Variants in RASGRF1 observed in about 807,000 individuals in gnomAD.
RASGRF1 encodes Ras protein specific guanine nucleotide releasing factor 1.
In RASGRF1, 40 loss-of-function variants were observed where a neutral mutation model predicts 138.7. The ratio of observed to expected loss-of-function variants is 0.29; its 90% CI spans 0.22 to 0.38. The LOEUF is 0.38. Ranked by LOEUF, RASGRF1 falls within the 10% of genes least tolerant of loss-of-function variation. The pLI is 1.00. For missense variants in RASGRF1, 1,108 were observed against 1,650.4 expected (o/e 0.67, Z 5.69); for synonymous variants, 614 against 663.2 (o/e 0.93, Z 1.14).
At chr15:79,090,119 G>T in intron 1 of RASGRF1, 104 bp downstream of exon 1, 1 of 1,398,182 alleles carries the variant, frequency 7.2e-7, no homozygotes, top group African/African-American at 1.4e-5. Flanking sequence ...AGGGCGCCAA[G>T]AGTAGAGGGG....
intron 20 of RASGRF1, 132 bp from the exon 21 acceptor site, chr15:78,991,926 C>T (rs952562495): frequency 2.1e-5 from 14 of 662,096 alleles, no homozygotes; most frequent in East Asian, 1.1e-4. Flanking sequence ...GACGCTGCCT[C>T]GAATCTGATG....
chr15:78,998,323 A>C (rs1595884415), intron 18 of RASGRF1, 115 bp from the exon 19 acceptor site: 1 of 858,240 alleles, frequency 1.2e-6, no homozygotes, highest in Non-Finnish European at 1.9e-6. Flanking sequence ...GGGCAGGCTG[A>C]CCTGCCTCAT....
At chr15:79,075,836 TGTC>T (rs2057825746) in intron 1 of RASGRF1, among the ~76,000 whole-genome samples, 1 of 152,204 alleles carries the variant, frequency 6.6e-6, no homozygotes, top group African/African-American at 2.4e-5. Flanking sequence ...TGGGCAGCCT[TGTC>T]ATCTCTCTGA....
Position 79,073,198 on chromosome 15 carries a change from C to T in RASGRF1, c.277-8672G>A, listed in dbSNP as rs2057785246. 6.6e-6 allele frequency among the ~76,000 whole-genome samples: 1 copy of T among 151,936 alleles called. No individual in the cohort carries two copies. The highest frequency in any genetic ancestry group is 1.5e-5 in the Non-Finnish European group (1 of 68,006). ...GTTTCAATAACAAATCTTCACAGGC[C>T]TACTAGAGTTGCTGGAATAGATCTA... On this transcript the variant is annotated intron_variant, in intron 1 of 26. Coordinates refer to ENST00000558480, the MANE Select transcript of RASGRF1 (RefSeq NM_001145648.3). The surrounding 1 kb of genome is among the most constrained non-coding windows in gnomAD (Gnocchi z 4.2).
intron 13 of RASGRF1, among the ~76,000 whole-genome samples, chr15:79,008,569 G>C (rs977463947): frequency 3.9e-5 from 6 of 152,166 alleles, no homozygotes; most frequent in African/African-American, 1.4e-4. Flanking sequence ...AGGATTTCCT[G>C]GACATGAAAA....
chr15:79,067,098 G>A (rs1240335868), intron 1 of RASGRF1, among the ~76,000 whole-genome samples: 1 of 152,216 alleles, frequency 6.6e-6, no homozygotes, highest in African/African-American at 2.4e-5. Context: ...TAGACCCTGA[G>A]TGACTGACAG....
Position 78,961,944 on chromosome 15 carries a change from C to A in RASGRF1, c.*200G>T, listed in dbSNP as rs1235838018. ...TAAAAGAAACAGGCACTGCAGGAGACGAGGGGAGGGATGGGTGGGCGAAGT... is the reference window on the plus strand; with the variant it reads ...TAAAAGAAACAGGCACTGCAGGAGAAGAGGGGAGGGATGGGTGGGCGAAGT... On this transcript the variant is annotated 3_prime_UTR_variant, in exon 27 of 27. Coordinates refer to ENST00000558480, the MANE Select transcript of RASGRF1 (RefSeq NM_001145648.3). 1.9e-6 allele frequency: 1 copy of A among 522,692 alleles called. No individual in the cohort carries two copies. The highest frequency in any genetic ancestry group is 3.4e-6 in the Non-Finnish European group (1 of 297,394). 32.4% of individuals were successfully genotyped at this position (522,692 alleles called of 1,614,324 possible).
intron 5 of RASGRF1, among the ~76,000 whole-genome samples, chr15:79,042,528 G>A (rs1567565940): frequency 6.6e-6 from 1 of 152,242 alleles, no homozygotes; most frequent in Non-Finnish European, 1.5e-5. Context: ...GACCTGTGCT[G>A]TAATGACCCA....
rs745949757 is a variant in RASGRF1 at position 79,058,417 on chromosome 15, C to G, written c.448G>C (p.Val150Leu). The change falls in exon 3 of 27, where the codon GTG becomes CTG. Residue 150 changes from valine (V) to leucine (L), a missense_variant. Val to Leu is a conservative substitution (Grantham distance 32). Transcript: ENST00000558480. ...MQKYLHLLQI[V>L]ETEKTVAKQL... The stretch of plus-strand genomic sequence containing the variant: ...TTGGCCACGGTCTTCTCTGTCTCCA[C>G]GATCTGCAGCAGGTGCAGGTATTTC... The G allele has an allele frequency of 2.5e-6, 4 of 1,614,094 alleles. No homozygotes were observed. The Admixed American group carries it at 5.0e-5, about 20-fold the overall frequency.
intron 26 of RASGRF1, among the ~76,000 whole-genome samples, chr15:78,962,443 A>G (rs1376122604): frequency 1.3e-5 from 2 of 152,196 alleles, no homozygotes. Flanking sequence ...ATTATTTAAT[A>G]TTGTCATAAT....
chr15:79,052,530 G>A (rs989681400), intron 3 of RASGRF1, among the ~76,000 whole-genome samples: 1 of 152,142 alleles, frequency 6.6e-6, no homozygotes, highest in Non-Finnish European at 1.5e-5. Flanking sequence ...ACCATGCCAA[G>A]TGCCCCTTCC....
chr15:79,068,515 A>C (rs1353813165), intron 1 of RASGRF1, among the ~76,000 whole-genome samples: 2 of 148,800 alleles, frequency 1.3e-5, no homozygotes, highest in Non-Finnish European at 3.0e-5. Flanking sequence ...GTATATTTAT[A>C]TGTATAAGTA....
intron 1 of RASGRF1, among the ~76,000 whole-genome samples, chr15:79,071,416 G>C (rs563355036): frequency 2.7e-5 from 4 of 149,346 alleles, no homozygotes; most frequent in Non-Finnish European, 5.9e-5. Flanking sequence ...CTGGAGTACA[G>C]TGGCACAGTC....
At chr15:79,037,365 G>T (rs1023153476) in intron 5 of RASGRF1, among the ~76,000 whole-genome samples, 1 of 152,058 alleles carries the variant, frequency 6.6e-6, no homozygotes, top group East Asian at 1.9e-4. Flanking sequence ...TCTCACAGAC[G>T]GATGGTGGGG....
intron 26 of RASGRF1, among the ~76,000 whole-genome samples, chr15:78,968,250 A>ATGTGTGTGTGTGTGTGTGTGTG (rs10529968): frequency 0.011 from 1,448 of 134,236 alleles, 24 homozygotes; most frequent in Admixed American, 0.031. Context: ...CATGACACTG[A>ATGTGTGTGTGTGTGTGTGTGTG]TGTGTGTGTG....
At chr15:79,053,597 A>G (rs2057462525) in intron 3 of RASGRF1, among the ~76,000 whole-genome samples, 1 of 152,242 alleles carries the variant, frequency 6.6e-6, no homozygotes, top group Non-Finnish European at 1.5e-5. Context: ...ATGAAAGAGA[A>G]GTCCTGATAG....
intron 14 of RASGRF1, chr15:79,005,260 A>G: frequency 1.0e-6 from 1 of 985,778 alleles, no homozygotes; most frequent in Non-Finnish European, 1.2e-6. Flanking sequence ...TTGCTCTGGC[A>G]GCAGAGGTGT....
Position 79,062,808 on chromosome 15 carries a change from G to T in RASGRF1, c.383+1612C>A, listed in dbSNP as rs1040637912. 1.2e-4 allele frequency among the ~76,000 whole-genome samples: 19 copies of T among 152,056 alleles called. No individual in the cohort carries two copies. In the South Asian group the frequency reaches 2.7e-3, roughly 22 times the overall value. ...ATTTGCCCACTTTGGCCTCCTAAAG[G>T]GTTGGGATTACAGGCGTGAACCACT... is the stretch of plus-strand genomic sequence containing the variant. On this transcript the variant is annotated intron_variant, in intron 2 of 26. Coordinates refer to ENST00000558480, the MANE Select transcript of RASGRF1 (RefSeq NM_001145648.3).
chr15:79,024,920 A>G (rs748824477), intron 10 of RASGRF1, among the ~76,000 whole-genome samples: 2 of 152,036 alleles, frequency 1.3e-5, no homozygotes, highest in African/African-American at 2.4e-5. Context: ...ACGCATATAC[A>G]CATACACACA....
Sources: gnomAD v4.1 joint callset for allele counts (sites outside exome capture counted in the v4.1 genomes callset) on GRCh38, gnomAD v4.1.1 for gene constraint, Gnocchi (gnomAD v3.1) non-coding constraint, MANE v1.5 for transcripts, NCBI Gene and HGNC (gene_info 2026-07-23, HGNC 2026-07-21) for gene names.